DLG2: variants seen among roughly 807,000 people sequenced by gnomAD.
DLG2 encodes disks large homolog 2.
A neutral mutation model predicts 132.5 loss-of-function variants in DLG2; 45 were observed. The ratio of observed to expected loss-of-function variants is 0.34; its 90% CI spans 0.27 to 0.44. The LOEUF (loss-of-function observed/expected upper bound fraction) is 0.44. Among genes scored for constraint, DLG2 ranks in the 20% least tolerant of loss-of-function variants. DLG2 has a pLI of 1.00. For missense variants in DLG2, 1,045 were observed against 1,196.9 expected (o/e 0.87, Z 1.87); for synonymous variants, 424 against 419.6 (o/e 1.01, Z -0.13).
intron 6 of DLG2, among the ~76,000 whole-genome samples, chr11:84,625,092 C>G (rs938246000): frequency 6.6e-6 from 1 of 151,470 alleles, no homozygotes; most frequent in African/African-American, 2.4e-5. Context: ...GATCTCCTGA[C>G]CTCGTGATCC....
chr11:84,270,688 C>T (rs1184944393), intron 7 of DLG2, among the ~76,000 whole-genome samples: 2 of 152,136 alleles, frequency 1.3e-5, no homozygotes, highest in Non-Finnish European at 2.9e-5. Context: ...CGCATTCTAA[C>T]GATGCGTTAG....
intron 6 of DLG2, among the ~76,000 whole-genome samples, chr11:84,536,828 T>C (rs754815350): frequency 6.6e-6 from 1 of 152,192 alleles, no homozygotes; most frequent in African/African-American, 2.4e-5. Context: ...CACACTCTCC[T>C]TATTCTTCCC....
intron 14 of DLG2, among the ~76,000 whole-genome samples, chr11:83,954,739 C>T (rs965158131): frequency 6.6e-6 from 1 of 152,078 alleles, no homozygotes; most frequent in African/African-American, 2.4e-5. Flanking sequence ...ACAAATTTTC[C>T]ATCAAAAAAT....
intron 3 of DLG2, among the ~76,000 whole-genome samples, chr11:85,353,538 C>T (rs2083457804): frequency 6.6e-6 from 1 of 152,164 alleles, no homozygotes; most frequent in African/African-American, 2.4e-5. Flanking sequence ...CACGTGCACA[C>T]ATAGGTTTAT....
intron 6 of DLG2, among the ~76,000 whole-genome samples, chr11:84,932,425 C>A (rs558113275): frequency 6.6e-6 from 1 of 152,222 alleles, no homozygotes; most frequent in South Asian, 2.1e-4. Context: ...GATACATGTG[C>A]AGAACATGCA....
At chr11:84,741,209 G>A (rs999075182) in intron 6 of DLG2, among the ~76,000 whole-genome samples, 10 of 151,542 alleles carry the variant, frequency 6.6e-5, no homozygotes, top group Admixed American at 6.6e-5. Context: ...TGGGACTACA[G>A]GCGCCCGCCA....
chr11:83,985,601 T>C (rs1292294930), intron 11 of DLG2, among the ~76,000 whole-genome samples: 1 of 152,100 alleles, frequency 6.6e-6, no homozygotes, highest in Non-Finnish European at 1.5e-5. Context: ...AGTGACAACA[T>C]GTGGTGTTTG....
At chr11:85,542,503 C>A (rs2076035926) in intron 3 of DLG2, among the ~76,000 whole-genome samples, 1 of 152,164 alleles carries the variant, frequency 6.6e-6, no homozygotes, top group Non-Finnish European at 1.5e-5. Context: ...AAGGCTTCAT[C>A]TTTTAAAGTA....
At chr11:85,202,449 G>A (rs2081542062) in intron 4 of DLG2, among the ~76,000 whole-genome samples, 1 of 151,918 alleles carries the variant, frequency 6.6e-6, no homozygotes, top group African/African-American at 2.4e-5. Flanking sequence ...ATAGCATTAG[G>A]GACTTTAGCA....
intron 7 of DLG2, chr11:84,437,323 C>T (rs2099003751): frequency 2.6e-5 from 4 of 152,196 alleles, no homozygotes; most frequent in Admixed American, 2.0e-4. Flanking sequence ...TGTACTCAGA[C>T]CAATGGTCCA....
At chr11:85,323,436 G>A (rs1300488586) in intron 3 of DLG2, among the ~76,000 whole-genome samples, 1 of 152,178 alleles carries the variant, frequency 6.6e-6, no homozygotes, top group African/African-American at 2.4e-5. Flanking sequence ...CATAGAGTGT[G>A]CAATGATCAA....
chr11:83,895,750 C>T (rs2071459502), intron 15 of DLG2, among the ~76,000 whole-genome samples: 1 of 152,214 alleles, frequency 6.6e-6, no homozygotes, highest in Admixed American at 6.5e-5. Context: ...AAGCTCTCAG[C>T]TTTGTTTCCA....
chr11:85,481,634 A>G (rs72953927), intron 3 of DLG2, among the ~76,000 whole-genome samples: 1,629 of 152,220 alleles, frequency 0.011, 10 homozygotes, highest in Non-Finnish European at 0.018. Flanking sequence ...CCAGGTCTGT[A>G]TAGCAAATTA....
chr11:85,269,574 G>T (rs998272847), intron 4 of DLG2, among the ~76,000 whole-genome samples: 1 of 152,094 alleles, frequency 6.6e-6, no homozygotes, highest in African/African-American at 2.4e-5. Flanking sequence ...ATTTCTTAAG[G>T]TTCTTGAGAG....
At chr11:84,318,580 G>C (rs2098382905) in intron 7 of DLG2, among the ~76,000 whole-genome samples, 2 of 152,180 alleles carry the variant, frequency 1.3e-5, no homozygotes, top group African/African-American at 4.8e-5. Flanking sequence ...ATCATAGCAA[G>C]TTCTACATTT....
chr11:83,679,275 C>T (rs140306002), intron 18 of DLG2, among the ~76,000 whole-genome samples: 11 of 152,232 alleles, frequency 7.2e-5, no homozygotes, highest in African/African-American at 2.2e-4. Context: ...CTTGTCAAAC[C>T]ATTAGCACAG....
At chr11:83,732,437 C>G (rs996050283) in intron 18 of DLG2, among the ~76,000 whole-genome samples, 8 of 152,048 alleles carry the variant, frequency 5.3e-5, no homozygotes, top group Admixed American at 2.6e-4. Context: ...TTATATGGAA[C>G]CAAAATATGT....
chr11:85,049,913 A>G (rs2062730505), intron 6 of DLG2, among the ~76,000 whole-genome samples: 1 of 152,108 alleles, frequency 6.6e-6, no homozygotes, highest in Admixed American at 6.6e-5. Context: ...TATCTAATAT[A>G]TTGCCAGATT....
At chr11:85,312,377 TTA>T (rs1242459138) in intron 3 of DLG2, among the ~76,000 whole-genome samples, 2 of 150,632 alleles carry the variant, frequency 1.3e-5, no homozygotes, top group Non-Finnish European at 3.0e-5. Context: ...TTATTATAAT[TTA>T]TAACCTTATA....
Sources: allele counts gnomAD v4.1 joint callset (sites outside exome capture counted in the v4.1 genomes callset), GRCh38; gene constraint gnomAD v4.1.1; transcripts MANE v1.5; gene names NCBI Gene and HGNC (gene_info 2026-07-23, HGNC 2026-07-21).